MCF2L: variants seen among roughly 807,000 people sequenced by gnomAD.
MCF2L encodes guanine nucleotide exchange factor DBS.
Under a neutral mutation model 153.4 loss-of-function variants are expected in MCF2L, and 97 were observed. The ratio of observed to expected loss-of-function variants is 0.63; its 90% CI spans 0.54 to 0.75. MCF2L has a LOEUF of 0.75. MCF2L is among the 30% of genes least tolerant of loss of function. The pLI is 0.00. For synonymous variants in MCF2L, 659 were observed against 632.2 expected, an observed-to-expected ratio of 1.04 and a Z score of -0.64; for missense variants, 1,347 against 1,495.2, an observed-to-expected ratio of 0.90 and a Z score of 1.64.
rs2087302574 is a variant in MCF2L at position 113,051,282 on chromosome 13, CT to C, written c.369+5922del. ...GGAAGCTGCCGATGGGGTGGGGCGG[CT>C]CTGGGGGCGGCCTGGGCCTTTCTGT... On this transcript the variant is annotated intron_variant, in intron 4 of 29. Transcript: ENST00000535094. Among the ~76,000 whole-genome samples, 4 of 88,408 alleles carry C rather than the reference CT, an allele frequency of 4.5e-5. No individual in the cohort carries two copies. The South Asian group carries it at 1.4e-3, about 30-fold the overall frequency. The allele number at this position is 88,408 out of a possible 152,430, so 58.0% of individuals were successfully genotyped here.
intron 2 of MCF2L, among the ~76,000 whole-genome samples, chr13:112,933,379 A>T (rs374562061): frequency 6.6e-6 from 1 of 152,218 alleles, no homozygotes; most frequent in African/African-American, 2.4e-5. Flanking sequence ...CCAGCCCTGC[A>T]TCTGCTCTCC....
At chr13:113,084,780 C>T (rs1323172805) in intron 18 of MCF2L, 112 bp from the exon 19 acceptor site, 4 of 807,288 alleles carry the variant, frequency 5.0e-6, no homozygotes, top group African/African-American at 1.7e-5. Context: ...GCCGGGAAGA[C>T]GCTGCGTGAT....
At chr13:112,966,165 A>G (rs2081891155), upstream of MCF2L, 1 of 152,248 alleles carries the variant, frequency 6.6e-6, no homozygotes, top group Non-Finnish European at 1.5e-5. The surrounding 1 kb of genome is among the most constrained non-coding windows in gnomAD (Gnocchi z 4.1). Flanking sequence ...TGTAATGGTG[A>G]CAATCGTTCT....
intron 2 of MCF2L, among the ~76,000 whole-genome samples, chr13:112,962,755 A>G (rs570677807): frequency 1.8e-4 from 27 of 152,276 alleles, no homozygotes; most frequent in Non-Finnish European, 3.1e-4. Flanking sequence ...CAGAGAGGGT[A>G]TGAGGAAGGA....
intron 1 of MCF2L, chr13:113,002,021 G>A: frequency 6.6e-7 from 1 of 1,517,354 alleles, no homozygotes; most frequent in Non-Finnish European, 8.8e-7. Flanking sequence ...CTCCCCGGAA[G>A]GTGTTGTGGG....
intron 2 of MCF2L, among the ~76,000 whole-genome samples, chr13:113,020,921 T>G (rs2084841846): frequency 6.6e-6 from 1 of 151,448 alleles, no homozygotes; most frequent in African/African-American, 2.4e-5. Context: ...TGTGTGTATG[T>G]GTAGTGTGTA....
intron 2 of MCF2L, among the ~76,000 whole-genome samples, chr13:112,962,046 CACGG>C (rs2081834164): frequency 6.7e-6 from 1 of 149,610 alleles, no homozygotes; most frequent in African/African-American, 2.5e-5. Flanking sequence ...CACACACACA[CACGG>C]ACACGCACAC....
At chr13:113,063,430 G>A (rs1157955890) in intron 5 of MCF2L, among the ~76,000 whole-genome samples, 1 of 121,866 alleles carries the variant, frequency 8.2e-6, no homozygotes, top group Non-Finnish European at 1.9e-5. Context: ...CCACACAGCC[G>A]CCCACAGCGT....
At chr13:112,976,130 C>T (rs973346714) in intron 1 of MCF2L, among the ~76,000 whole-genome samples, 1 of 136,314 alleles carries the variant, frequency 7.3e-6, no homozygotes, top group Non-Finnish European at 1.5e-5. Context: ...GGGCTCTCAG[C>T]GAATGTTCCG....
At chr13:112,914,383 G>A (rs1023671625) in intron 2 of MCF2L, among the ~76,000 whole-genome samples, 3 of 152,140 alleles carry the variant, frequency 2.0e-5, no homozygotes, top group African/African-American at 7.2e-5. Context: ...TTGCACAGTG[G>A]GCAGTGGCTA....
intron 1 of MCF2L, among the ~76,000 whole-genome samples, chr13:113,010,558 C>T (rs899965877): frequency 1.3e-5 from 2 of 152,192 alleles, no homozygotes; most frequent in Non-Finnish European, 2.9e-5. Context: ...TTGGCCCTCC[C>T]AGGTGGGGCT....
chr13:113,034,570 T>C (rs1353811188), intron 3 of MCF2L, among the ~76,000 whole-genome samples: 1 of 151,288 alleles, frequency 6.6e-6, no homozygotes, highest in Non-Finnish European at 1.5e-5. Flanking sequence ...ACCCTCGCCC[T>C]CACCTTCTCC....
At chr13:113,047,576 G>A (rs1047612555) in intron 4 of MCF2L, among the ~76,000 whole-genome samples, 4 of 152,236 alleles carry the variant, frequency 2.6e-5, no homozygotes, top group African/African-American at 9.6e-5. Flanking sequence ...ATGCTTACCT[G>A]CCGCTGATAT....
At chr13:112,918,845 G>T (rs1166772422) in intron 2 of MCF2L, among the ~76,000 whole-genome samples, 1 of 152,204 alleles carries the variant, frequency 6.6e-6, no homozygotes, top group Non-Finnish European at 1.5e-5. Context: ...CACGAGCGGG[G>T]TCCCATTTTC....
rs1222783808 is a variant in MCF2L at position 112,947,558 on chromosome 13, G to A, written c.169+45187G>A. Reference sequence around the variant, plus strand: ...TTCCAAAAGGAAAAATAGGCAAGAGGGAGTAACGGGCCCCAAGTAAGTCCA... The same window carrying A: ...TTCCAAAAGGAAAAATAGGCAAGAGAGAGTAACGGGCCCCAAGTAAGTCCA... On this transcript the variant is annotated intron_variant, in intron 2 of 29. Coordinates refer to the MCF2L transcript ENST00000375608. 2.0e-5 allele frequency among the ~76,000 whole-genome samples: 3 copies of A among 152,184 alleles called. No homozygotes were observed. The East Asian group carries it at 5.8e-4, about 29-fold the overall frequency.
Position 113,027,883 on chromosome 13 carries a change from C to T in MCF2L, c.278+3125C>T, listed in dbSNP as rs2085412240. Among the ~76,000 whole-genome samples, 1 of 152,176 alleles carries T rather than the reference C, an allele frequency of 6.6e-6. No homozygotes were observed. Among genetic ancestry groups the T allele is most frequent in the Non-Finnish European group, 1.5e-5 (1 of 68,016 alleles). ...GACGTAGGCTCCAGGTGTGCTGTGG[C>T]CAGAGGGGTGTCCTGGGGAGGGCGG... is the stretch of plus-strand genomic sequence containing the variant. On this transcript the variant is annotated intron_variant, in intron 3 of 29. Coordinates refer to ENST00000535094, the MANE Select transcript of MCF2L (RefSeq NM_001112732.3). This position sits in a 1 kb window ranked among gnomAD's most constrained non-coding sequence, Gnocchi z 4.8.
intron 1 of MCF2L, among the ~76,000 whole-genome samples, chr13:112,971,672 G>A (rs1054067831): frequency 2.3e-4 from 35 of 152,214 alleles, no homozygotes; most frequent in African/African-American, 8.4e-4. Flanking sequence ...AGGATAATGT[G>A]TGCTGTCCAT....
chr13:113,045,623 C>G lies in MCF2L; in HGVS notation c.369+262C>G, dbSNP rs2086764336. ...AAACAATTTCCCCAGGCAGAGCAGC[C>G]CATATGTTTCCGAACACCAAGTCTG... On this transcript the variant is annotated intron_variant, in intron 4 of 29. Coordinates refer to ENST00000535094, the MANE Select transcript of MCF2L (RefSeq NM_001112732.3). The surrounding 1 kb of genome is among the most constrained non-coding windows in gnomAD (Gnocchi z 4.2). 3 of 537,146 alleles carry G rather than the reference C, an allele frequency of 5.6e-6. No homozygotes were observed. The highest frequency in any genetic ancestry group is 1.0e-5 in the Non-Finnish European group (3 of 298,374). 33.3% of individuals were successfully genotyped at this position (537,146 alleles called of 1,614,324 possible).
intron 1 of MCF2L, among the ~76,000 whole-genome samples, chr13:112,975,659 G>C (rs2082188545): frequency 6.6e-6 from 1 of 152,228 alleles, no homozygotes; most frequent in Non-Finnish European, 1.5e-5. Context: ...TCCTCAGGGA[G>C]CCGCTGCCGT....
Sources: gnomAD v4.1 joint callset for allele counts (sites outside exome capture counted in the v4.1 genomes callset) on GRCh38, gnomAD v4.1.1 for gene constraint, Gnocchi (gnomAD v3.1) non-coding constraint, MANE v1.5 for transcripts, NCBI Gene and HGNC (gene_info 2026-07-23, HGNC 2026-07-21) for gene names.